NR3C1: variants seen among roughly 807,000 people sequenced by gnomAD.
NR3C1 encodes the protein nuclear receptor subfamily 3 group C member 1, also known as glucocorticoid receptor.
A neutral mutation model predicts 74.0 loss-of-function variants in NR3C1; 14 were observed. That is an observed-to-expected ratio of 0.19 (90% CI 0.12 to 0.30). The LOEUF (loss-of-function observed/expected upper bound fraction) is 0.30. Ranked by LOEUF, NR3C1 falls within the 10% of genes least tolerant of loss-of-function variation. The pLI, the probability that NR3C1 is intolerant of heterozygous loss-of-function variation, is 1.00. For synonymous variants in NR3C1, 308 were observed against 332.5 expected, an observed-to-expected ratio of 0.93 and a Z score of 0.80; for missense variants, 695 against 909.8, an observed-to-expected ratio of 0.76 and a Z score of 3.04.
intron 1 of NR3C1, among the ~76,000 whole-genome samples, chr5:143,429,036 A>G (rs1218922354): frequency 1.3e-5 from 2 of 152,260 alleles, no homozygotes; most frequent in Non-Finnish European, 2.9e-5. Context: ...GTGCTTTAAG[A>G]ACATGAAACG....
At chr5:143,284,461 A>ACT (rs1213852930) in intron 7 of NR3C1, among the ~76,000 whole-genome samples, 5 of 152,340 alleles carry the variant, frequency 3.3e-5, no homozygotes, top group African/African-American at 1.2e-4. Flanking sequence ...ACAATGGGTT[A>ACT]ATTTTACACA....
intron 2 of NR3C1, among the ~76,000 whole-genome samples, chr5:143,321,323 C>A (rs904058931): frequency 1.3e-4 from 20 of 152,138 alleles, no homozygotes; most frequent in Non-Finnish European, 1.5e-5. Flanking sequence ...TATTTAGTAA[C>A]CCAGACTTAC....
At chr5:143,327,892 C>T (rs1171777020) in intron 2 of NR3C1, among the ~76,000 whole-genome samples, 3 of 152,242 alleles carry the variant, frequency 2.0e-5, no homozygotes, top group Non-Finnish European at 4.4e-5. Flanking sequence ...TGCAAACTGT[C>T]GGTGAATCTA....
chr5:143,306,510 C>CCA (rs1021628697), intron 4 of NR3C1, among the ~76,000 whole-genome samples: 1 of 152,114 alleles, frequency 6.6e-6, no homozygotes, highest in Non-Finnish European at 1.5e-5. Context: ...TACAGTGAAA[C>CCA]CACACACACA....
intron 1 of NR3C1, among the ~76,000 whole-genome samples, chr5:143,423,565 C>G (rs1751349115): frequency 6.6e-6 from 1 of 152,008 alleles, no homozygotes; most frequent in Non-Finnish European, 1.5e-5. Flanking sequence ...ACAACAACAA[C>G]AACAAAATAG....
chr5:143,295,928 G>T (rs1424446159), intron 6 of NR3C1, among the ~76,000 whole-genome samples: 1 of 152,110 alleles, frequency 6.6e-6, no homozygotes, highest in Non-Finnish European at 1.5e-5. Context: ...TTTATCATTT[G>T]AATACGGTCA....
In NR3C1 at chr5:143,324,473, T is replaced by C. The variant is rs1327464142; in HGVS notation, c.1185-10305A>G. ...GGGCACAAAGTCCCTAGCCTACACA[T>C]AGCATGAGGACCGTGGGCCTGGCCC... is the stretch of plus-strand genomic sequence containing the variant. On this transcript the variant is annotated intron_variant, in intron 2 of 8. Coordinates refer to ENST00000394464, the MANE Select transcript of NR3C1 (RefSeq NM_000176.3). Among the ~76,000 whole-genome samples, 4 of 152,020 alleles carry C rather than the reference T, an allele frequency of 2.6e-5. No individual in the cohort carries two copies. The East Asian group carries it at 5.8e-4, about 22-fold the overall frequency.
At chr5:143,302,108 G>C (rs529653980) in intron 4 of NR3C1, among the ~76,000 whole-genome samples, 3 of 152,038 alleles carry the variant, frequency 2.0e-5, no homozygotes, top group Non-Finnish European at 4.4e-5. Flanking sequence ...CCATGTTGTA[G>C]CTGGATATCT....
intron 2 of NR3C1, among the ~76,000 whole-genome samples, chr5:143,352,388 T>C (rs1830391580): frequency 6.6e-6 from 1 of 152,216 alleles, no homozygotes; most frequent in Admixed American, 6.5e-5. Flanking sequence ...ACTGCAAGAA[T>C]TGGCTATCTC....
At chr5:143,358,387 C>A (rs976293514) in intron 2 of NR3C1, among the ~76,000 whole-genome samples, 4 of 152,184 alleles carry the variant, frequency 2.6e-5, no homozygotes, top group Non-Finnish European at 5.9e-5. Context: ...TCATTTTGAT[C>A]ATGAATCATG....
At chr5:143,393,969 T>C (rs977372269) in intron 2 of NR3C1, among the ~76,000 whole-genome samples, 1 of 151,924 alleles carries the variant, frequency 6.6e-6, no homozygotes, top group Non-Finnish European at 1.5e-5. Flanking sequence ...GTTACAAAAA[T>C]AAAAATTCAA....
At chr5:143,335,352 T>C (rs1561598015) in intron 2 of NR3C1, among the ~76,000 whole-genome samples, 1 of 152,252 alleles carries the variant, frequency 6.6e-6, no homozygotes, top group African/African-American at 2.4e-5. Flanking sequence ...TCTAAGATTA[T>C]TGTTGTAAAT....
chr5:143,291,439 T>C (rs1463856596), intron 7 of NR3C1, among the ~76,000 whole-genome samples: 2 of 152,106 alleles, frequency 1.3e-5, no homozygotes, highest in East Asian at 3.9e-4. Context: ...TAAGCCAGGA[T>C]GGTCTTGATC....
chr5:143,336,367 C>A (rs1827122976), intron 2 of NR3C1, among the ~76,000 whole-genome samples: 1 of 152,106 alleles, frequency 6.6e-6, no homozygotes, highest in South Asian at 2.1e-4. Context: ...AAAGCATACA[C>A]CTCTAAGAAT....
At chr5:143,398,569 A>G (rs1839677826) in intron 2 of NR3C1, among the ~76,000 whole-genome samples, 1 of 152,054 alleles carries the variant, frequency 6.6e-6, no homozygotes, top group Admixed American at 6.5e-5. Context: ...CTAACATTTA[A>G]GAAAAAACTT....
intron 2 of NR3C1, among the ~76,000 whole-genome samples, chr5:143,368,262 G>A (rs961054305): frequency 1.3e-5 from 2 of 152,132 alleles, no homozygotes; most frequent in African/African-American, 4.8e-5. Flanking sequence ...AGGCCTAAAT[G>A]TAAGAGCTAA....
At chr5:143,282,187 C>A in intron 8 of NR3C1, 146 bp from the exon 9 acceptor site, 1 of 779,870 alleles carries the variant, frequency 1.3e-6, no homozygotes, top group Admixed American at 2.3e-5. Context: ...TAAGCACTTC[C>A]GTACAAAACA....
intron 2 of NR3C1, among the ~76,000 whole-genome samples, chr5:143,349,865 C>T (rs533308819): frequency 3.0e-4 from 46 of 152,182 alleles, no homozygotes; most frequent in African/African-American, 1.0e-3. Flanking sequence ...AGGGGACACA[C>T]CTGGTGCGGT....
At position 143,288,411 on chromosome 5, in the gene NR3C1, G is replaced by A. The variant is rs10054713; in HGVS notation, c.2024-5686C>T. Among the ~76,000 whole-genome samples the A allele has an allele frequency of 4.1e-3, 627 of 152,096 alleles. 2 individuals are homozygous for A. Among genetic ancestry groups the A allele is most frequent in the African/African-American group, 0.014 (601 of 41,492 alleles). On this transcript the variant is annotated intron_variant, in intron 7 of 8. Coordinates refer to ENST00000394464, the MANE Select transcript of NR3C1 (RefSeq NM_000176.3). ...TGGAATTACAGGCGTGAGCCATAGC[G>A]CCCGGCCAGAAATTGGAAATTTAAG...
Sources: gnomAD v4.1 joint callset for allele counts (sites outside exome capture counted in the v4.1 genomes callset) on GRCh38, gnomAD v4.1.1 for gene constraint, MANE v1.5 for transcripts, NCBI Gene and HGNC (gene_info 2026-07-23, HGNC 2026-07-21) for gene names.